Variants in OSR2 observed in about 807,000 individuals in gnomAD.
The protein encoded by OSR2 is protein odd-skipped-related 2.
A neutral mutation model predicts 22.3 loss-of-function variants in OSR2; 8 were observed. The ratio of observed to expected loss-of-function variants is 0.36; its 90% CI spans 0.21 to 0.65. The LOEUF is 0.65. Ranked by LOEUF, OSR2 falls within the 30% of genes least tolerant of loss-of-function variation. The pLI, the probability that OSR2 is intolerant of heterozygous loss-of-function variation, is 0.66. For synonymous variants in OSR2, 179 were observed against 173.8 expected, an observed-to-expected ratio of 1.03 and a Z score of -0.23; for missense variants, 311 against 413.4, an observed-to-expected ratio of 0.75 and a Z score of 2.15.
intron 1 of OSR2, among the ~76,000 whole-genome samples, chr8:98,947,939 G>A (rs948337674): frequency 9.9e-5 from 15 of 152,210 alleles, no homozygotes; most frequent in African/African-American, 2.7e-4. Context: ...GTGCCAGGCC[G>A]GGAAGCAGCT....
rs751751443 is a variant in OSR2, at chr8:98,951,735, T to TC, written c.*38dup. The TC allele has an allele frequency of 6.3e-7, 1 of 1,581,852 alleles. No homozygotes were observed. Among genetic ancestry groups the TC allele is most frequent in the East Asian group, 2.3e-5 (1 of 43,228 alleles). On this transcript the variant is annotated 3_prime_UTR_variant, in exon 4 of 4. Transcript: ENST00000297565. ...AGGATCTGTCCCGTGCCGCCGCTGC[T>TC]CCCCTCCCCAGACACCTCTCCACGT...
Position 98,949,265 on chromosome 8 carries a change from G to C in OSR2, c.313G>C (p.Val105Leu), listed in dbSNP as rs372847306. ...FHPKQGAIAH[V>L]LPALHKDRPR... is the part of the protein sequence containing the mutation. The stretch of plus-strand genomic sequence containing the variant: ...CCCCAAGCAGGGGGCCATTGCCCAC[G>C]TCCTCCCAGCCCTGCACAAGGACCG... The change falls in exon 2 of 4, where the codon GTC (valine) becomes CTC (leucine). Residue 105 changes from valine (V) to leucine (L), a missense_variant. Around this residue, in one of 5 missense-constraint regions of OSR2, gnomAD observed 146 missense variants for 160.5 expected, o/e 0.91. Coordinates refer to ENST00000297565, the MANE Select transcript of OSR2 (RefSeq NM_001142462.3). This position sits in a 1 kb window ranked among gnomAD's most constrained non-coding sequence, Gnocchi z 5.9. 1 of 1,606,848 alleles carries C rather than the reference G, an allele frequency of 6.2e-7. No individual in the cohort carries two copies. The highest frequency in any genetic ancestry group is 8.5e-7 in the Non-Finnish European group (1 of 1,175,624).
intron 1 of OSR2, among the ~76,000 whole-genome samples, chr8:98,947,101 G>A (rs1484002339): frequency 2.0e-5 from 3 of 151,848 alleles, no homozygotes; most frequent in Middle Eastern, 3.2e-3. Context: ...TGGTGGGAAA[G>A]TTGATTACTA....
chr8:98,948,319 GA>G lies in OSR2; in HGVS notation c.-114-517del. 6.6e-7 allele frequency: 1 copy of G among 1,525,180 alleles called. No homozygotes were observed. Among genetic ancestry groups the G allele is most frequent in the Non-Finnish European group, 8.8e-7 (1 of 1,140,368 alleles). 94.5% of individuals were successfully genotyped at this position (1,525,180 alleles called of 1,614,324 possible). ...CGGCTTGCCATCCGGGTAAGCGCGGGAAAGGCGGCCACAGGGCGCGGCGGCA... is the reference window on the plus strand; with the variant it reads ...CGGCTTGCCATCCGGGTAAGCGCGGGAAGGCGGCCACAGGGCGCGGCGGCA... On this transcript the variant is annotated intron_variant, in intron 1 of 3. Coordinates refer to ENST00000297565, the MANE Select transcript of OSR2 (RefSeq NM_001142462.3). This position sits in a 1 kb window ranked among gnomAD's most constrained non-coding sequence, Gnocchi z 6.0.
intron 1 of OSR2, among the ~76,000 whole-genome samples, chr8:98,945,070 T>G (rs1840565381): frequency 6.6e-6 from 1 of 152,234 alleles, no homozygotes; most frequent in African/African-American, 2.4e-5. Context: ...ATATTTAATC[T>G]AAGCGGTCAG....
chr8:98,950,952 CA>C, intron 3 of OSR2, 197 bp downstream of exon 3: 1 of 607,944 alleles, frequency 1.6e-6, no homozygotes. Context: ...ATATTTTTCT[CA>C]AAAAACGGCC....
At chr8:98,950,032 G>A (rs989446161) in intron 2 of OSR2, among the ~76,000 whole-genome samples, 1 of 150,840 alleles carries the variant, frequency 6.6e-6, no homozygotes, top group African/African-American at 2.4e-5. Context: ...CTGCCGTGGG[G>A]ACCTTTCTTT....
chr8:98,948,426 G>A lies in OSR2; in HGVS notation c.-114-413G>A, dbSNP rs549661384. 599 of 1,139,604 alleles carry A rather than the reference G, an allele frequency of 5.3e-4. 1 individual carries two copies. The African/African-American group carries it at 0.01, about 20-fold the overall frequency. 70.6% of individuals were successfully genotyped at this position (1,139,604 alleles called of 1,614,324 possible). ...CGAGGCGCAGCGGCGACAGAGGTTC[G>A]CCCCGGCCTGCTAGCATTGGCATTG... On this transcript the variant is annotated intron_variant, in intron 1 of 3. Transcript: ENST00000297565. The surrounding 1 kb of genome is among the most constrained non-coding windows in gnomAD (Gnocchi z 6.0).
Position 98,949,634 on chromosome 8 carries a change from G to T in OSR2, c.656+26G>T. On this transcript the variant is annotated intron_variant, in intron 2 of 3. Transcript: ENST00000297565. This position sits in a 1 kb window ranked among gnomAD's most constrained non-coding sequence, Gnocchi z 5.9. ...GTGAGGCGGGCAAGGAGGATGGCTG[G>T]GAGAGGGAAAGCGAATTTGTCCTGG... 6.3e-7 allele frequency: 1 copy of T among 1,589,564 alleles called. No homozygotes were observed. The highest frequency in any genetic ancestry group is 8.6e-7 in the Non-Finnish European group (1 of 1,166,460).
intron 1 of OSR2, among the ~76,000 whole-genome samples, 160 bp downstream of exon 1, chr8:98,944,983 G>C (rs1840562181): frequency 6.6e-6 from 1 of 152,182 alleles, no homozygotes; most frequent in Non-Finnish European, 1.5e-5. Flanking sequence ...TCACTTCCTT[G>C]GGTCCCTGGC....
In OSR2 at chr8:98,948,114, G is replaced by A; in HGVS notation, c.-114-725G>A. 3.6e-6 allele frequency: 5 copies of A among 1,373,606 alleles called. No homozygotes were observed. Among genetic ancestry groups the A allele is most frequent in the Non-Finnish European group, 4.7e-6 (5 of 1,067,212 alleles). 85.1% of individuals were successfully genotyped at this position (1,373,606 alleles called of 1,614,324 possible). A position where few individuals can be genotyped will look rare whatever the true frequency, so the allele number is the denominator to read the frequency against. The stretch of plus-strand genomic sequence containing the variant: ...TGGATAGGAGGAGGGGGCGATTCTA[G>A]GCCGAATCCAGCCCCTGAGGTGTCA... On this transcript the variant is annotated intron_variant, in intron 1 of 3. Transcript: ENST00000297565. This position sits in a 1 kb window ranked among gnomAD's most constrained non-coding sequence, Gnocchi z 6.0.
In OSR2 at chr8:98,950,751, T is replaced by A. The variant is rs764058294; in HGVS notation, c.752T>A (p.Met251Lys). The change falls in exon 3 of 4, where the codon ATG becomes AAG. Residue 251 changes from methionine to lysine, a missense_variant. By Grantham distance (95) the Met-to-Lys change is moderately conservative (BLOSUM62 -1). This residue lies in a region of OSR2 where 70 missense variants were observed against 84.5 expected (regional missense o/e 0.83). Transcript: ENST00000297565. ...RTLAVHKTLHMQESPHKCPTC... is the reference protein window; with the variant it reads ...RTLAVHKTLHKQESPHKCPTC... ...CTAGCAGTTCACAAAACTTTACACATGCAGGTAAGTTTGTTTTCTTGTTTA... is the reference window on the plus strand; with the variant it reads ...CTAGCAGTTCACAAAACTTTACACAAGCAGGTAAGTTTGTTTTCTTGTTTA... The A allele has an allele frequency of 6.2e-7, 1 of 1,605,116 alleles. No individual in the cohort carries two copies. Among genetic ancestry groups the A allele is most frequent in the Non-Finnish European group, 8.5e-7 (1 of 1,173,088 alleles).
chr8:98,945,224 G>A (rs1160956531), intron 1 of OSR2, among the ~76,000 whole-genome samples: 1 of 152,224 alleles, frequency 6.6e-6, no homozygotes, highest in East Asian at 1.9e-4. Flanking sequence ...CCGGACACCC[G>A]GTGCCTGCCC....
rs1399568791 is a variant in OSR2, at chr8:98,949,667, G to A, written c.656+59G>A. 9 of 1,537,610 alleles carry A rather than the reference G, an allele frequency of 5.9e-6. No individual in the cohort carries two copies. In the East Asian group the frequency reaches 1.4e-4, roughly 23 times the overall value. ...AAAGCGAATTTGTCCTGGACACACCGAGTCCTGATAGACATTCCCAGTGTC... is the reference window on the plus strand; with the variant it reads ...AAAGCGAATTTGTCCTGGACACACCAAGTCCTGATAGACATTCCCAGTGTC... On this transcript the variant is annotated intron_variant, in intron 2 of 3. Coordinates refer to ENST00000297565, the MANE Select transcript of OSR2 (RefSeq NM_001142462.3). This position sits in a 1 kb window ranked among gnomAD's most constrained non-coding sequence, Gnocchi z 5.9.
At position 98,951,819 on chromosome 8, in the gene OSR2, C is replaced by A; in HGVS notation, c.*118C>A. The stretch of plus-strand genomic sequence containing the variant: ...ACTGACCCCAGCTCTTCCCTTGCTG[C>A]AGCCGCACCTGCAGCTCCAGGGAGT... On this transcript the variant is annotated 3_prime_UTR_variant, in exon 4 of 4. Transcript: ENST00000297565. 1.0e-6 allele frequency: 1 copy of A among 997,744 alleles called. No individual in the cohort carries two copies. The highest frequency in any genetic ancestry group is 1.4e-6 in the Non-Finnish European group (1 of 696,980). 61.8% of individuals were successfully genotyped at this position (997,744 alleles called of 1,614,324 possible).
At position 98,949,553 on chromosome 8, in the gene OSR2, A is replaced by C. The variant is rs773582439; in HGVS notation, c.601A>C (p.Thr201Pro). ...ERTHTDERPY[T>P]CDICHKAFRR... ...GACCCACACGGACGAGAGGCCGTAC[A>C]CGTGTGACATCTGCCACAAGGCCTT... The change falls in exon 2 of 4, where the codon ACG becomes CCG. Residue 201 changes from threonine to proline, a missense_variant. Coordinates refer to ENST00000297565, the MANE Select transcript of OSR2 (RefSeq NM_001142462.3). The surrounding 1 kb of genome is among the most constrained non-coding windows in gnomAD (Gnocchi z 5.9). 1.4e-5 allele frequency: 22 copies of C among 1,613,872 alleles called. No homozygotes were observed. The highest frequency in any genetic ancestry group is 1.7e-5 in the Non-Finnish European group (20 of 1,179,900).
Position 98,949,083 on chromosome 8 carries a change from G to A in OSR2, c.131G>A (p.Ser44Asn), listed in dbSNP as rs775484346. The change falls in exon 2 of 4, where the codon AGC becomes AAC. Residue 44 changes from serine (S) to asparagine (N), a missense_variant. Transcript: ENST00000297565. The surrounding 1 kb of genome is among the most constrained non-coding windows in gnomAD (Gnocchi z 5.9). ...VDHLQGLYGL[S>N]AVQTMHMNHW... ...CACCTGCAGGGCCTGTACGGTCTCA[G>A]CGCGGTACAGACCATGCACATGAAC... 3 of 1,613,958 alleles carry A rather than the reference G, an allele frequency of 1.9e-6. No individual in the cohort carries two copies. Among genetic ancestry groups the A allele is most frequent in the Non-Finnish European group, 2.5e-6 (3 of 1,179,896 alleles).
rs963884790 is a variant in OSR2 at position 98,948,601 on chromosome 8, C to T, written c.-114-238C>T. On this transcript the variant is annotated intron_variant, in intron 1 of 3. Transcript: ENST00000297565. The surrounding 1 kb of genome is among the most constrained non-coding windows in gnomAD (Gnocchi z 6.0). Reference sequence around the variant, plus strand: ...CTGCCTAGAGTCTGAATCCGACTTTCTTTCCTTTGGGCACGCGCTCGCCAG... The same window carrying T: ...CTGCCTAGAGTCTGAATCCGACTTTTTTTCCTTTGGGCACGCGCTCGCCAG... 1.2e-5 allele frequency: 13 copies of T among 1,065,362 alleles called. No homozygotes were observed. Among genetic ancestry groups the T allele is most frequent in the African/African-American group, 1.6e-5 (1 of 62,350 alleles). 66.0% of individuals were successfully genotyped at this position (1,065,362 alleles called of 1,614,324 possible). A position where few individuals can be genotyped will look rare whatever the true frequency, so the allele number is the denominator to read the frequency against.
rs1840798532 is a variant in OSR2, at chr8:98,952,003, G to A, written c.*302G>A. 3.8e-6 allele frequency: 1 copy of A among 262,770 alleles called. No homozygotes were observed. The highest frequency in any genetic ancestry group is 7.2e-6 in the Non-Finnish European group (1 of 139,486). 16.3% of individuals were successfully genotyped at this position (262,770 alleles called of 1,614,324 possible). A position where few individuals can be genotyped will look rare whatever the true frequency, so the allele number is the denominator to read the frequency against. ...TGTTTTGTTGTTTTGTTTGCTTTGG[G>A]ATCTTGTTGGATGCACTTAGATATG... On this transcript the variant is annotated 3_prime_UTR_variant, in exon 4 of 4. Transcript: ENST00000297565.
Sources: allele counts gnomAD v4.1 joint callset (sites outside exome capture counted in the v4.1 genomes callset), GRCh38; gene constraint gnomAD v4.1.1; regional missense constraint gnomAD v4.1.1; non-coding constraint Gnocchi (gnomAD v3.1); transcripts MANE v1.5; gene names NCBI Gene and HGNC (gene_info 2026-07-23, HGNC 2026-07-21).